The following DIAPH3 variants were observed in gnomAD, a reference collection of about 807,000 sequenced individuals.
DIAPH3 encodes the protein protein diaphanous homolog 3.
In DIAPH3, 117 loss-of-function variants were observed where a neutral mutation model predicts 144.3. That is an observed-to-expected ratio of 0.81 (90% CI 0.70 to 0.95). DIAPH3 has a LOEUF of 0.95. Among genes scored for constraint, DIAPH3 ranks in the 40% least tolerant of loss-of-function variants. DIAPH3 has a pLI of 0.00. For missense variants in DIAPH3, 1,421 were observed against 1,412.7 expected (o/e 1.01, Z -0.09); for synonymous variants, 519 against 488.9 (o/e 1.06, Z -0.81).
At chr13:59,947,733 TAA>T (rs531684302) in intron 17 of DIAPH3, among the ~76,000 whole-genome samples, 1 of 144,310 alleles carries the variant, frequency 6.9e-6, no homozygotes, top group Non-Finnish European at 1.5e-5. Flanking sequence ...ACTCTGTATT[TAA>T]AAAAAAAAAA....
intron 17 of DIAPH3, among the ~76,000 whole-genome samples, chr13:59,936,680 G>A (rs993325508): frequency 6.6e-6 from 1 of 152,098 alleles, no homozygotes; most frequent in African/African-American, 2.4e-5. Context: ...CCCGACTGAA[G>A]GAAAACTGAA....
chr13:60,033,551 CAAGA>C (rs1175929575), intron 5 of DIAPH3, among the ~76,000 whole-genome samples: 9 of 152,026 alleles, frequency 5.9e-5, no homozygotes, highest in Admixed American at 2.0e-4. Context: ...AGACCAGGAG[CAAGA>C]AAGAGAGTGT....
chr13:59,997,256 T>C (rs1224408294), intron 9 of DIAPH3, among the ~76,000 whole-genome samples: 5 of 152,084 alleles, frequency 3.3e-5, no homozygotes, highest in African/African-American at 4.8e-5. Context: ...TCTACATCCA[T>C]GTGATCACAA....
intron 24 of DIAPH3, among the ~76,000 whole-genome samples, chr13:59,816,147 T>C: frequency 6.6e-6 from 1 of 152,126 alleles, no homozygotes; most frequent in East Asian, 1.9e-4. Context: ...CTTTCACTTC[T>C]AGGATAAACT....
intron 23 of DIAPH3, chr13:59,838,227 G>A (rs1354765281): frequency 6.6e-6 from 1 of 152,076 alleles, no homozygotes; most frequent in Non-Finnish European, 1.5e-5. Context: ...ATATCAGTCT[G>A]TAATTTCATA....
chr13:59,924,072 T>A (rs899945796), intron 18 of DIAPH3, among the ~76,000 whole-genome samples: 1 of 152,302 alleles, frequency 6.6e-6, no homozygotes, highest in African/African-American at 2.4e-5. Flanking sequence ...ATTATTCATA[T>A]CCCTCTTGCA....
intron 17 of DIAPH3, among the ~76,000 whole-genome samples, chr13:59,932,538 TA>T (rs577365234): frequency 7.3e-5 from 11 of 151,164 alleles, no homozygotes; most frequent in Non-Finnish European, 1.5e-4. Context: ...TGTCACAGTT[TA>T]AAAAAAAACA....
intron 21 of DIAPH3, among the ~76,000 whole-genome samples, chr13:59,875,421 T>TA (rs1279686561): frequency 1.6e-4 from 24 of 151,842 alleles, no homozygotes; most frequent in Admixed American, 6.6e-5. Context: ...GAAACGTACA[T>TA]TTTTTTTCAC....
chr13:59,964,182 A>G (rs2049924050), intron 17 of DIAPH3, among the ~76,000 whole-genome samples: 1 of 152,108 alleles, frequency 6.6e-6, no homozygotes, highest in Non-Finnish European at 1.5e-5. Flanking sequence ...CTACGGACAC[A>G]CCACTAAGAA....
rs558957073 is a variant in DIAPH3, at chr13:59,715,247, GC to G, written c.3320-48402del. Among the ~76,000 whole-genome samples, 327 of 152,238 alleles carry G rather than the reference GC, an allele frequency of 2.1e-3. 2 individuals carry two copies. Among genetic ancestry groups the G allele is most frequent in the African/African-American group, 7.4e-3 (308 of 41,554 alleles). On this transcript the variant is annotated intron_variant, in intron 27 of 27. Coordinates refer to ENST00000400324, the MANE Select transcript of DIAPH3 (RefSeq NM_001042517.2). ...ATTCAGAATTCACCTCAAGAAGACA[GC>G]ACAAATTATCTGCTTTGCAAAGTTC...
intron 2 of DIAPH3, among the ~76,000 whole-genome samples, chr13:60,130,109 T>G (rs2059102440): frequency 6.6e-6 from 1 of 152,204 alleles, no homozygotes; most frequent in African/African-American, 2.4e-5. Context: ...GTAACAGAGC[T>G]AATAAGAGGT....
At chr13:59,952,429 A>C (rs1219103382) in intron 17 of DIAPH3, among the ~76,000 whole-genome samples, 1 of 152,196 alleles carries the variant, frequency 6.6e-6, no homozygotes, top group African/African-American at 2.4e-5. Flanking sequence ...ATTTTCAGGA[A>C]AAATACCTAC....
intron 17 of DIAPH3, among the ~76,000 whole-genome samples, chr13:59,934,763 A>T (rs1008084449): frequency 1.3e-5 from 2 of 152,174 alleles, no homozygotes; most frequent in African/African-American, 4.8e-5. Flanking sequence ...CAGACCTGAG[A>T]CCAGGAACTG....
chr13:59,768,493 A>G (rs773879064), intron 27 of DIAPH3, among the ~76,000 whole-genome samples: 109 of 152,248 alleles, frequency 7.2e-4, no homozygotes, highest in Non-Finnish European at 1.3e-3. Context: ...AACCTTAGAA[A>G]TTTCCTAATT....
At chr13:60,130,775 G>A (rs1328281110) in intron 2 of DIAPH3, among the ~76,000 whole-genome samples, 1 of 152,220 alleles carries the variant, frequency 6.6e-6, no homozygotes, top group Non-Finnish European at 1.5e-5. Context: ...ATGATGTATT[G>A]TTGAAGATAT....
intron 27 of DIAPH3, among the ~76,000 whole-genome samples, chr13:59,682,479 G>A (rs2032997120): frequency 6.6e-6 from 1 of 152,112 alleles, no homozygotes; most frequent in East Asian, 1.9e-4. Flanking sequence ...GAGCCTCCAT[G>A]CCTGGCTTCA....
intron 1 of DIAPH3, among the ~76,000 whole-genome samples, chr13:60,134,463 A>C (rs1312337904): frequency 2.0e-5 from 3 of 152,342 alleles, no homozygotes; most frequent in African/African-American, 7.2e-5. Flanking sequence ...AGAGACCATT[A>C]CTAAAATTAA....
chr13:60,010,547 T>C lies in DIAPH3; in HGVS notation c.894A>G (p.Val298=). 1.2e-6 allele frequency: 2 copies of C among 1,602,240 alleles called. No individual in the cohort carries two copies. The highest frequency in any genetic ancestry group is 1.7e-6 in the Non-Finnish European group (2 of 1,172,366). ...ATAACACTTACATGCTTTCTTCCCC[T>C]ACAATGCATACCGCAGAGAGAAGTT... ...VVKLLSAVCI[V]GEESILEEVL... Residue 298 remains valine, a synonymous_variant, in exon 8 of 28, where the codon GTA becomes GTG. Transcript: ENST00000400324.
Position 59,810,918 on chromosome 13 carries a change from TGC to T in DIAPH3, c.3031_3032del (p.Ala1011AsnfsTer21). On this transcript the variant is annotated frameshift_variant, in exon 25 of 28. Transcript: ENST00000400324. LOFTEE classifies it high-confidence loss of function. ...LNNFRTTFMQ[A>X]IKENIKKREA... ...CTCTTTTTTTGATATTCTCCTTTAT[TGC>T]TTGCTAAAAAAATTTTGAAAAATGA... is the stretch of plus-strand genomic sequence containing the variant. 2 of 1,463,496 alleles carry T rather than the reference TGC, an allele frequency of 1.4e-6. No individual in the cohort carries two copies. Among genetic ancestry groups the T allele is most frequent in the Non-Finnish European group, 1.8e-6 (2 of 1,109,506 alleles). The allele number at this position is 1,463,496 out of a possible 1,614,324, so 90.7% of individuals were successfully genotyped here. A position where few individuals can be genotyped will look rare whatever the true frequency, so the allele number is the denominator to read the frequency against.
Sources: gnomAD v4.1 joint callset for allele counts (sites outside exome capture counted in the v4.1 genomes callset) on GRCh38, gnomAD v4.1.1 for gene constraint, MANE v1.5 for transcripts, NCBI Gene and HGNC (gene_info 2026-07-23, HGNC 2026-07-21) for gene names.